The following PTCD3 variants were observed in gnomAD, a reference collection of about 807,000 sequenced individuals.
PTCD3 encodes the protein small ribosomal subunit protein mS39.
In PTCD3, 89 loss-of-function variants were observed where a neutral mutation model predicts 101.9. That is an observed-to-expected ratio of 0.87 (90% CI 0.74 to 1.04). The LOEUF is 1.04. Ranked by LOEUF, PTCD3 falls within the 50% of genes least tolerant of loss-of-function variation. The pLI, the probability that PTCD3 is intolerant of heterozygous loss-of-function variation, is 0.00. For missense variants in PTCD3, 870 were observed against 828.2 expected (o/e 1.05, Z -0.62); for synonymous variants, 296 against 278.5 (o/e 1.06, Z -0.63).
In PTCD3 at chr2:86,139,548, C is replaced by T. The variant is rs1488308698; in HGVS notation, c.*1989C>T. 2.0e-5 allele frequency: 3 copies of T among 152,430 alleles called. No individual in the cohort carries two copies. Among genetic ancestry groups the T allele is most frequent in the African/African-American group, 4.8e-5 (2 of 41,402 alleles). The allele number at this position is 152,430 out of a possible 1,614,324, so 9.4% of individuals were successfully genotyped here. A position where few individuals can be genotyped will look rare whatever the true frequency, so the allele number is the denominator to read the frequency against. On this transcript the variant is annotated 3_prime_UTR_variant, in exon 24 of 24. Coordinates refer to ENST00000254630, the MANE Select transcript of PTCD3 (RefSeq NM_017952.6). ...TGGGGCTGAGTGCAGTGGCTCATGC[C>T]TGTAATCCCAGCACTTAGGGTGCCA...
rs116970226 is a variant in PTCD3, at chr2:86,111,744, T to C, written c.240+586T>C. 6.3e-3 allele frequency: 983 copies of C among 156,306 alleles called. 25 individuals are homozygous for C. In the East Asian group the frequency reaches 0.098, roughly 16 times the overall value. 9.7% of individuals were successfully genotyped at this position (156,306 alleles called of 1,614,324 possible). On this transcript the variant is annotated intron_variant, in intron 4 of 23. Transcript: ENST00000254630. ...CCCCCATCTGTTTTTTGTTTGTTTG[T>C]TTGTTTTGTTTTGTTTGAGACAGAG...
chr2:86,122,958 T>C lies in PTCD3; in HGVS notation c.655-743T>C, dbSNP rs117793025. On this transcript the variant is annotated intron_variant, in intron 8 of 23. Coordinates refer to ENST00000254630, the MANE Select transcript of PTCD3 (RefSeq NM_017952.6). ...CCTTGGTTTATAAATAAAGACAAGA[T>C]TTATTCTTGTAAGAAGTCTTGCCAG... Among the ~76,000 whole-genome samples, 18 of 152,260 alleles carry C rather than the reference T, an allele frequency of 1.2e-4. No homozygotes were observed. In the East Asian group the frequency reaches 3.1e-3, roughly 26 times the overall value.
At chr2:86,124,436 C>G (rs959931181) in intron 9 of PTCD3, among the ~76,000 whole-genome samples, 9 of 152,152 alleles carry the variant, frequency 5.9e-5, no homozygotes, top group Non-Finnish European at 8.8e-5. Context: ...ACCAGCCTGG[C>G]CAACATGGTG....
intron 3 of PTCD3, 56 bp downstream of exon 3, chr2:86,108,592 A>T: frequency 6.7e-7 from 1 of 1,503,536 alleles, no homozygotes; most frequent in Non-Finnish European, 9.0e-7. Flanking sequence ...CTATGAGAGA[A>T]GTGTAAGGGT....
chr2:86,116,253 G>A (rs1399075730), intron 4 of PTCD3, among the ~76,000 whole-genome samples: 2 of 152,168 alleles, frequency 1.3e-5, no homozygotes, highest in African/African-American at 4.8e-5. Context: ...AAAGACTTGT[G>A]GGCTGGATAC....
chr2:86,124,430 GC>G (rs1674346005), intron 9 of PTCD3, among the ~76,000 whole-genome samples: 2 of 152,286 alleles, frequency 1.3e-5, no homozygotes, highest in South Asian at 4.1e-4. Context: ...TTTGAGACCA[GC>G]CTGGCCAACA....
intron 13 of PTCD3, 78 bp downstream of exon 13, chr2:86,127,383 T>A: frequency 2.8e-6 from 4 of 1,446,718 alleles, no homozygotes; most frequent in Non-Finnish European, 3.7e-6. Context: ...AGCAAAGAGC[T>A]TTAAATTATT....
chr2:86,127,216 A>T lies in PTCD3; in HGVS notation c.1007A>T (p.Asn336Ile), dbSNP rs761944701. The change falls in exon 13 of 24, where the codon AAT (asparagine) becomes ATT (isoleucine). Residue 336 changes from asparagine to isoleucine, a missense_variant. Physicochemically the swap from Asn to Ile is moderately radical, Grantham distance 149. Transcript: ENST00000254630. ...GTGAAACCAAATCTTCAGACTTTTAATACCATTCTGAAATGTCTCCGAAGA... is the reference window on the plus strand; with the variant it reads ...GTGAAACCAAATCTTCAGACTTTTATTACCATTCTGAAATGTCTCCGAAGA... ...QKVKPNLQTFNTILKCLRRFH... is the reference protein window; with the variant it reads ...QKVKPNLQTFITILKCLRRFH... 1 of 1,613,620 alleles carries T rather than the reference A, an allele frequency of 6.2e-7. No individual in the cohort carries two copies. Among genetic ancestry groups the T allele is most frequent in the Non-Finnish European group, 8.5e-7 (1 of 1,179,516 alleles).
Position 86,136,932 on chromosome 2 carries a change from G to A in PTCD3, c.1821-50G>A, listed in dbSNP as rs145770579. The A allele has an allele frequency of 1.4e-3, 2,211 of 1,605,094 alleles. 28 individuals are homozygous for A. The African/African-American group carries it at 0.024, about 17-fold the overall frequency. On this transcript the variant is annotated intron_variant, in intron 22 of 23. Transcript: ENST00000254630. ...CTTACACTGGATCTTGCCTATAAAT[G>A]TTTTACTGAAGGGGCTGGAGAAAGT...
chr2:86,111,765 CAG>C (rs1265757555), intron 4 of PTCD3: 2 of 155,358 alleles, frequency 1.3e-5, no homozygotes, highest in Non-Finnish European at 1.4e-5. Context: ...TTGTTTGAGA[CAG>C]AGTTTTGCTC....
rs760049086 is a variant in PTCD3 at position 86,127,245 on chromosome 2, C to G, written c.1036C>G (p.His346Asp). 7 of 1,613,934 alleles carry G rather than the reference C, an allele frequency of 4.3e-6. No individual in the cohort carries two copies. In the East Asian group the frequency reaches 1.6e-4, roughly 36 times the overall value. The change falls in exon 13 of 24, where the codon CAT becomes GAT. Residue 346 changes from histidine to aspartate, a missense_variant. By Grantham distance (81) the His-to-Asp change is moderately conservative (BLOSUM62 -1). Transcript: ENST00000254630. Reference sequence around the variant, plus strand: ...CATTCTGAAATGTCTCCGAAGATTTCATGTGTTTGCAAGATCGCCAGCCTT... The same window carrying G: ...CATTCTGAAATGTCTCCGAAGATTTGATGTGTTTGCAAGATCGCCAGCCTT... ...NTILKCLRRFHVFARSPALQV... is the reference protein window; with the variant it reads ...NTILKCLRRFDVFARSPALQV...
chr2:86,115,115 T>C (rs749991981), intron 4 of PTCD3, among the ~76,000 whole-genome samples: 27 of 152,196 alleles, frequency 1.8e-4, no homozygotes, highest in African/African-American at 5.8e-4. Context: ...CAGTGAACCA[T>C]TCTTAGCAGT....
chr2:86,111,082 A>T, intron 3 of PTCD3, 31 bp from the exon 4 acceptor site: 1 of 1,600,090 alleles, frequency 6.2e-7, no homozygotes, highest in Non-Finnish European at 8.6e-7. Context: ...AAGAGCCCTG[A>T]TGAGGATTAA....
At chr2:86,128,113 TTAACCTG>T in intron 14 of PTCD3, 122 bp downstream of exon 14, 1 of 895,526 alleles carries the variant, frequency 1.1e-6, no homozygotes, top group South Asian at 1.4e-5. Context: ...AATTTGTAAA[TTAACCTG>T]TACAGCCTGA....
intron 4 of PTCD3, among the ~76,000 whole-genome samples, chr2:86,113,634 T>G (rs1320065373): frequency 6.6e-6 from 1 of 152,036 alleles, no homozygotes; most frequent in Non-Finnish European, 1.5e-5. Context: ...GGTGAAACCC[T>G]GTCTCTACAA....
chr2:86,128,365 A>G (rs1343661768), intron 14 of PTCD3, among the ~76,000 whole-genome samples: 1 of 149,994 alleles, frequency 6.7e-6, no homozygotes, highest in Non-Finnish European at 1.5e-5. Flanking sequence ...GGAGAGGGTT[A>G]TGGATTGTAC....
chr2:86,140,199 G>A lies in PTCD3; in HGVS notation c.*2640G>A, dbSNP rs1674658914. ...GAAGTCCTAACGTAACCACAGTAAA[G>A]CAGACTCCCCTTTCAGCAACCTCAA... is the stretch of plus-strand genomic sequence containing the variant. On this transcript the variant is annotated 3_prime_UTR_variant, in exon 24 of 24. Transcript: ENST00000254630. The A allele has an allele frequency of 1.5e-5, 2 of 134,158 alleles. No homozygotes were observed. Among genetic ancestry groups the A allele is most frequent in the South Asian group, 4.7e-4 (2 of 4,222 alleles). The allele number at this position is 134,158 out of a possible 1,614,324, so 8.3% of individuals were successfully genotyped here.
intron 7 of PTCD3, chr2:86,119,304 T>C (rs1438274201): frequency 4.5e-6 from 2 of 440,164 alleles, no homozygotes; most frequent in East Asian, 4.8e-5. Context: ...TACCTTAGCT[T>C]CTGTTTTTAA....
chr2:86,132,614 C>A, intron 17 of PTCD3, 190 bp downstream of exon 17: 5 of 379,196 alleles, frequency 1.3e-5, no homozygotes, highest in Admixed American at 5.2e-5. Context: ...AGTTTGTGTC[C>A]TTTAAGGGTT....
Sources: allele counts gnomAD v4.1 joint callset (sites outside exome capture counted in the v4.1 genomes callset), GRCh38; gene constraint gnomAD v4.1.1; transcripts MANE v1.5; gene names NCBI Gene and HGNC (gene_info 2026-07-23, HGNC 2026-07-21).